The following CARMIL2 variants were observed in gnomAD, a reference collection of about 807,000 sequenced individuals.
The protein encoded by CARMIL2 is capping protein regulator and myosin 1 linker 2, also known as capping protein, Arp2/3 and myosin-I linker protein 2.
CARMIL2 carries 96 observed loss-of-function variants against 173.3 expected under a neutral mutation model. The ratio of observed to expected loss-of-function variants is 0.55; its 90% CI spans 0.47 to 0.66. The LOEUF is 0.66. Ranked by LOEUF, CARMIL2 falls within the 30% of genes least tolerant of loss-of-function variation. CARMIL2 has a pLI of 0.00. For missense variants in CARMIL2, 1,771 were observed against 1,906.7 expected (o/e 0.93, Z 1.33); for synonymous variants, 830 against 817.1 (o/e 1.02, Z -0.27).
Position 67,649,072 on chromosome 16 carries a change from C to T in CARMIL2, c.1592-4C>T, listed in dbSNP as rs1266796570. 2 of 1,611,758 alleles carry T rather than the reference C, an allele frequency of 1.2e-6. No homozygotes were observed. Among genetic ancestry groups the T allele is most frequent in the Non-Finnish European group, 1.7e-6 (2 of 1,179,142 alleles). ...GCCTCGTGCGTGACCCGAGTCACCC[C>T]CAGGCTTCGGCTCAGACATGGTGAC... On this transcript the variant is annotated splice_region_variant and splice_polypyrimidine_tract_variant and intron_variant, in intron 17 of 37. Transcript: ENST00000334583. This position sits in a 1 kb window ranked among gnomAD's most constrained non-coding sequence, Gnocchi z 6.7.
At position 67,649,081 on chromosome 16, in the gene CARMIL2, G is replaced by T. The variant is rs1285534067; in HGVS notation, c.1597G>T (p.Gly533Cys). Residue 533 changes from glycine (G) to cysteine (C), a missense_variant, in exon 18 of 38, where the codon GGC (glycine) becomes TGC (cysteine). Around this residue, in one of 3 missense-constraint regions of CARMIL2, gnomAD observed 944 missense variants for 975.6 expected, o/e 0.97. Coordinates refer to ENST00000334583, the MANE Select transcript of CARMIL2 (RefSeq NM_001013838.3). The surrounding 1 kb of genome is among the most constrained non-coding windows in gnomAD (Gnocchi z 6.7). ...SSLDLADNGFGSDMVTLVLAI... is the reference protein window; with the variant it reads ...SSLDLADNGFCSDMVTLVLAI... ...GTGACCCGAGTCACCCCCAGGCTTC[G>T]GCTCAGACATGGTGACTCTGGTGCT... is the stretch of plus-strand genomic sequence containing the variant. 1 of 1,612,244 alleles carries T rather than the reference G, an allele frequency of 6.2e-7. No individual in the cohort carries two copies. The highest frequency in any genetic ancestry group is 8.5e-7 in the Non-Finnish European group (1 of 1,179,364).
At chr16:67,654,724 G>T (rs752244772) in intron 31 of CARMIL2, 32 bp downstream of exon 31, 1 of 1,604,838 alleles carries the variant, frequency 6.2e-7, no homozygotes, top group Middle Eastern at 1.7e-4. Context: ...TGGTGAAGGC[G>T]CTTCTGGGAC....
In CARMIL2 at chr16:67,650,528, C is replaced by G. The variant is rs144200603; in HGVS notation, c.2184+378C>G. 193 of 276,682 alleles carry G rather than the reference C, an allele frequency of 7.0e-4. 1 individual carries two copies. The East Asian group carries it at 0.013, about 19-fold the overall frequency. 17.1% of individuals were successfully genotyped at this position (276,682 alleles called of 1,614,324 possible). On this transcript the variant is annotated intron_variant, in intron 22 of 37. Coordinates refer to ENST00000334583, the MANE Select transcript of CARMIL2 (RefSeq NM_001013838.3). ...TCTTCATCTCCCTCCACTACCTTATCTGTTGGAGATGTTTCTACCTCTCCA... is the reference window on the plus strand; with the variant it reads ...TCTTCATCTCCCTCCACTACCTTATGTGTTGGAGATGTTTCTACCTCTCCA...
rs2052654730 is a variant in CARMIL2 at position 67,648,812 on chromosome 16, G to A, written c.1509+58G>A. On this transcript the variant is annotated intron_variant, in intron 16 of 37. Coordinates refer to ENST00000334583, the MANE Select transcript of CARMIL2 (RefSeq NM_001013838.3). The surrounding 1 kb of genome is among the most constrained non-coding windows in gnomAD (Gnocchi z 6.1). The stretch of plus-strand genomic sequence containing the variant: ...TGGGAGAGGCGCTGGGAGGCGGAAG[G>A]GCAGGGCCGTGGGCCGCCTGCCCCT... The A allele has an allele frequency of 1.9e-6, 3 of 1,567,014 alleles. No homozygotes were observed. The highest frequency in any genetic ancestry group is 1.7e-6 in the Non-Finnish European group (2 of 1,156,252).
chr16:67,651,893 A>AT lies in CARMIL2; in HGVS notation c.2589-26dup. On this transcript the variant is annotated intron_variant, in intron 25 of 37. Coordinates refer to ENST00000334583, the MANE Select transcript of CARMIL2 (RefSeq NM_001013838.3). The surrounding 1 kb of genome is among the most constrained non-coding windows in gnomAD (Gnocchi z 4.2). ...GGGCAAGGCTGAGCAAAGCCAGCCC[A>AT]TTAACCCCTGTCCTCTCCTGCCCTT... 1 of 1,613,196 alleles carries AT rather than the reference A, an allele frequency of 6.2e-7. No homozygotes were observed. The highest frequency in any genetic ancestry group is 8.5e-7 in the Non-Finnish European group (1 of 1,179,738).
At chr16:67,655,734 G>T (rs1041206205) in intron 32 of CARMIL2, among the ~76,000 whole-genome samples, 1 of 152,156 alleles carries the variant, frequency 6.6e-6, no homozygotes, top group African/African-American at 2.4e-5. Context: ...ACTCTCCTCT[G>T]TGGGCCACCC....
rs560546885 is a variant in CARMIL2 at position 67,646,058 on chromosome 16, C to T, written c.227C>T (p.Ala76Val). ...AGCTACCTGGAGGTCCAGGCCATGG[C>T]GCTGCAGGAGACACCCCCTCAGGTG... ...TFSYLEVQAM[A>V]LQETPPQVTF... Residue 76 changes from alanine (A) to valine (V), a missense_variant, in exon 4 of 38, where the codon GCG (alanine) becomes GTG (valine). Physicochemically the swap from Ala to Val is moderately conservative, Grantham distance 64. Coordinates refer to ENST00000334583, the MANE Select transcript of CARMIL2 (RefSeq NM_001013838.3). The surrounding 1 kb of genome is among the most constrained non-coding windows in gnomAD (Gnocchi z 4.6). 3.3e-5 allele frequency: 53 copies of T among 1,613,790 alleles called. No individual in the cohort carries two copies. In the East Asian group the frequency reaches 8.5e-4, roughly 26 times the overall value.
rs377180004 is a variant in CARMIL2 at position 67,652,380 on chromosome 16, T to C, written c.2817+41T>C. On this transcript the variant is annotated intron_variant, in intron 27 of 37. Transcript: ENST00000334583. This position sits in a 1 kb window ranked among gnomAD's most constrained non-coding sequence, Gnocchi z 4.7. ...ACACGGGGCATGGCACTCCCAGTCT[T>C]CCCATCTTGCTGTGGAGTGTGGAAG... 8.7e-6 allele frequency: 14 copies of C among 1,612,068 alleles called. No individual in the cohort carries two copies. In the African/African-American group the frequency reaches 1.9e-4, roughly 21 times the overall value.
In CARMIL2 at chr16:67,645,245, C is replaced by G; in HGVS notation, c.-2C>G. 1.3e-6 allele frequency: 2 copies of G among 1,596,334 alleles called. No individual in the cohort carries two copies. Among genetic ancestry groups the G allele is most frequent in the Non-Finnish European group, 1.7e-6 (2 of 1,172,404 alleles). On this transcript the variant is annotated 5_prime_UTR_variant, in exon 1 of 38. Coordinates refer to ENST00000334583, the MANE Select transcript of CARMIL2 (RefSeq NM_001013838.3). ...GTTGGGCCTCCCCGGCCCGCCCGGC[C>G]CATGGCCCAGACCCCCGACGGCATC...
rs2052845783 is a variant in CARMIL2 at position 67,656,039 on chromosome 16, T to C, written c.3714T>C (p.Asp1238=). 6.3e-7 allele frequency: 1 copy of C among 1,598,186 alleles called. No homozygotes were observed. The highest frequency in any genetic ancestry group is 8.5e-7 in the Non-Finnish European group (1 of 1,172,544). Reference sequence around the variant, plus strand: ...TGCCCTGTTTCCTGCAGAGCAAAGATGGCGAGATCAAGAAAGCTGGCTCAG... The same window carrying C: ...TGCCCTGTTTCCTGCAGAGCAAAGACGGCGAGATCAAGAAAGCTGGCTCAG... The part of the protein sequence containing the change: ...GAEGKRKQSK[D]GEIKKAGSDG... The change falls in exon 33 of 38, where the codon GAT becomes GAC. Residue 1238 remains aspartate, a synonymous_variant. Coordinates refer to ENST00000334583, the MANE Select transcript of CARMIL2 (RefSeq NM_001013838.3).
chr16:67,655,604 A>G (rs1000746119), intron 32 of CARMIL2, among the ~76,000 whole-genome samples: 11 of 152,236 alleles, frequency 7.2e-5, no homozygotes, highest in African/African-American at 2.2e-4. Flanking sequence ...TGCAAATCAG[A>G]GCCTCCACAC....
At position 67,654,577 on chromosome 16, in the gene CARMIL2, G is replaced by C. The variant is rs1484417635; in HGVS notation, c.3467G>C (p.Ser1156Thr). The C allele has an allele frequency of 6.2e-7, 1 of 1,610,922 alleles. No homozygotes were observed. The highest frequency in any genetic ancestry group is 8.5e-7 in the Non-Finnish European group (1 of 1,178,724). Reference protein sequence around the residue: ...EELGGAEGDTSSPDPAGRSRP... With the variant: ...EELGGAEGDTTSPDPAGRSRP... The stretch of plus-strand genomic sequence containing the variant: ...CTTGGTGGGGCTGAGGGGGACACCA[G>C]CAGCCCTGACCCTGCCGGCAGGAGC... Residue 1156 changes from serine to threonine, a missense_variant, in exon 31 of 38, where the codon AGC becomes ACC. Ser to Thr is a moderately conservative substitution (Grantham distance 58). This residue lies in a region of CARMIL2 where 817 missense variants were observed against 903.5 expected (regional missense o/e 0.90). Coordinates refer to ENST00000334583, the MANE Select transcript of CARMIL2 (RefSeq NM_001013838.3).
Position 67,651,027 on chromosome 16 carries a change from G to C in CARMIL2, c.2185-160G>C. The C allele has an allele frequency of 1.3e-6, 1 of 743,360 alleles. No homozygotes were observed. Among genetic ancestry groups the C allele is most frequent in the Non-Finnish European group, 2.1e-6 (1 of 466,938 alleles). The allele number at this position is 743,360 out of a possible 1,614,324, so 46.0% of individuals were successfully genotyped here. ...GTCCTTAAAATGAACCAAAGCAACA[G>C]ATAGTTCCTTCCCTCCTTGAACAGA... is the stretch of plus-strand genomic sequence containing the variant. On this transcript the variant is annotated intron_variant, in intron 22 of 37. Transcript: ENST00000334583. The surrounding 1 kb of genome is among the most constrained non-coding windows in gnomAD (Gnocchi z 4.2).
rs76841123 is a variant in CARMIL2 at position 67,649,661 on chromosome 16, C to A, written c.1919+42C>A. The A allele has an allele frequency of 6.4e-7, 1 of 1,554,960 alleles. No individual in the cohort carries two copies. ...GGGTGGGACCAGCGGGCAGGGGGCGCGGTGGAGAGGAGGGCACCGGGCTAA... is the reference window on the plus strand; with the variant it reads ...GGGTGGGACCAGCGGGCAGGGGGCGAGGTGGAGAGGAGGGCACCGGGCTAA... On this transcript the variant is annotated intron_variant, in intron 20 of 37. Transcript: ENST00000334583. This position sits in a 1 kb window ranked among gnomAD's most constrained non-coding sequence, Gnocchi z 6.7.
Position 67,652,757 on chromosome 16 carries a change from A to T in CARMIL2, c.2884+219A>T, listed in dbSNP as rs1377560233. On this transcript the variant is annotated intron_variant, in intron 28 of 37. Transcript: ENST00000334583. The surrounding 1 kb of genome is among the most constrained non-coding windows in gnomAD (Gnocchi z 4.7). ...CGGATCTGGGACAGGACACCGGCTC[A>T]GCTCGCCTCCCCGCGCCCCTTTCCC... Among the ~76,000 whole-genome samples the T allele has an allele frequency of 6.6e-6, 1 of 152,140 alleles. No individual in the cohort carries two copies. Among genetic ancestry groups the T allele is most frequent in the East Asian group, 1.9e-4 (1 of 5,148 alleles).
rs1466546570 is a variant in CARMIL2 at position 67,651,411 on chromosome 16, T to C, written c.2324T>C (p.Ile775Thr). The C allele has an allele frequency of 6.3e-7, 1 of 1,590,946 alleles. No homozygotes were observed. The highest frequency in any genetic ancestry group is 8.6e-7 in the Non-Finnish European group (1 of 1,166,292). ...CTCTTTGGCCCTCAGATTCTCCCCA[T>C]TCTATATGAAGCTGGAAGCTCCCCA... is the stretch of plus-strand genomic sequence containing the variant. ...NANFSLSILP[I>T]LYEAGSSPSH... The change falls in exon 24 of 38, where the codon ATT (isoleucine) becomes ACT (threonine). Residue 775 changes from isoleucine (I) to threonine (T), a missense_variant. Coordinates refer to ENST00000334583, the MANE Select transcript of CARMIL2 (RefSeq NM_001013838.3). This position sits in a 1 kb window ranked among gnomAD's most constrained non-coding sequence, Gnocchi z 4.2.
rs1446556542 is a variant in CARMIL2 at position 67,646,006 on chromosome 16, G to C, written c.187-12G>C. 2 of 1,613,752 alleles carry C rather than the reference G, an allele frequency of 1.2e-6. No homozygotes were observed. The highest frequency in any genetic ancestry group is 1.7e-5 in the Admixed American group (1 of 60,026). On this transcript the variant is annotated splice_polypyrimidine_tract_variant and intron_variant, in intron 3 of 37. Coordinates refer to ENST00000334583, the MANE Select transcript of CARMIL2 (RefSeq NM_001013838.3). This position sits in a 1 kb window ranked among gnomAD's most constrained non-coding sequence, Gnocchi z 4.6. Reference sequence around the variant, plus strand: ...TGGGGGCTTGGTCCCAGCTGATCTAGGCCCTTTCTAGGTGGACTGCACGTT... The same window carrying C: ...TGGGGGCTTGGTCCCAGCTGATCTACGCCCTTTCTAGGTGGACTGCACGTT...
At chr16:67,650,244 G>A (rs2142929015) in intron 22 of CARMIL2, 94 bp downstream of exon 22, 3 of 1,072,472 alleles carry the variant, frequency 2.8e-6, no homozygotes, top group Non-Finnish European at 4.1e-6. Context: ...ACTTTCCTGG[G>A]GCCAGGGTGC....
intron 1 of CARMIL2, 58 bp downstream of exon 1, chr16:67,645,344 C>T: frequency 1.3e-6 from 2 of 1,546,340 alleles, no homozygotes. Context: ...GCCCCAAAAT[C>T]AGAGGCCCAC....
Sources: allele counts gnomAD v4.1 joint callset (sites outside exome capture counted in the v4.1 genomes callset), GRCh38; gene constraint gnomAD v4.1.1; regional missense constraint gnomAD v4.1.1; non-coding constraint Gnocchi (gnomAD v3.1); transcripts MANE v1.5; gene names NCBI Gene and HGNC (gene_info 2026-07-23, HGNC 2026-07-21).